ERP44: variants seen among roughly 807,000 people sequenced by gnomAD.
ERP44 encodes endoplasmic reticulum protein 44.
A neutral mutation model predicts 53.4 loss-of-function variants in ERP44; 25 were observed. The ratio of observed to expected loss-of-function variants is 0.47; its 90% CI spans 0.34 to 0.65. ERP44 has a LOEUF of 0.65. Ranked by LOEUF, ERP44 falls within the 30% of genes least tolerant of loss-of-function variation. The pLI is 0.01. For missense variants in ERP44, 338 were observed against 493.2 expected, an observed-to-expected ratio of 0.69 and a Z score of 2.98; for synonymous variants, 145 against 161.2, an observed-to-expected ratio of 0.90 and a Z score of 0.76.
At chr9:100,089,495 C>T (rs568570181) in intron 1 of ERP44, among the ~76,000 whole-genome samples, 2 of 149,958 alleles carry the variant, frequency 1.3e-5, no homozygotes, top group South Asian at 2.1e-4. Context: ...GCAGAAGAAT[C>T]GCTTGAACCC....
rs1830151756 is a variant in ERP44, at chr9:99,981,806, G to T, written c.*806C>A. 6.6e-6 allele frequency: 1 copy of T among 152,168 alleles called. No individual in the cohort carries two copies. Among genetic ancestry groups the T allele is most frequent in the Non-Finnish European group, 1.5e-5 (1 of 68,026 alleles). The allele number at this position is 152,168 out of a possible 1,614,324, so 9.4% of individuals were successfully genotyped here. A position where few individuals can be genotyped will look rare whatever the true frequency, so the allele number is the denominator to read the frequency against. ...ATTTCTCTGCTAGTTCTTCTCTTTG[G>T]AAATTGAAGTCTCATAATAGGAGGA... is the stretch of plus-strand genomic sequence containing the variant. On this transcript the variant is annotated 3_prime_UTR_variant, in exon 12 of 12. Coordinates refer to ENST00000262455, the MANE Select transcript of ERP44 (RefSeq NM_015051.3).
intron 4 of ERP44, among the ~76,000 whole-genome samples, chr9:100,032,293 A>C (rs1220273455): frequency 1.3e-5 from 2 of 152,208 alleles, no homozygotes; most frequent in Admixed American, 6.5e-5. Context: ...GGAAGTAAAA[A>C]ATCTTACAAC....
At chr9:100,043,642 C>T (rs368592767) in intron 4 of ERP44, among the ~76,000 whole-genome samples, 1 of 151,984 alleles carries the variant, frequency 6.6e-6, no homozygotes, top group Non-Finnish European at 1.5e-5. Context: ...GTAATCCCAG[C>T]TACTCAAGTG....
intron 10 of ERP44, among the ~76,000 whole-genome samples, chr9:100,001,423 C>A (rs547226495): frequency 2.0e-5 from 3 of 152,226 alleles, no homozygotes; most frequent in Admixed American, 1.3e-4. Flanking sequence ...GTGGCCCTTG[C>A]TGAAAAAGTA....
chr9:99,999,157 C>T, intron 10 of ERP44: 1 of 553,376 alleles, frequency 1.8e-6, no homozygotes, highest in Non-Finnish European at 3.2e-6. Flanking sequence ...GGCCAGGGCT[C>T]CGCCCCCCGA....
intron 3 of ERP44, among the ~76,000 whole-genome samples, chr9:100,054,324 G>A (rs1246942792): frequency 1.3e-5 from 2 of 152,190 alleles, no homozygotes. Context: ...GGTAGCTGGA[G>A]GGCAAGGGAG....
intron 1 of ERP44, among the ~76,000 whole-genome samples, chr9:100,092,670 G>T (rs182304333): frequency 6.6e-6 from 1 of 152,154 alleles, no homozygotes; most frequent in Non-Finnish European, 1.5e-5. Context: ...AGAAGAGTAA[G>T]CCATTTTTTG....
intron 1 of ERP44, among the ~76,000 whole-genome samples, chr9:100,089,580 CAAAAAAAAAAAA>C (rs71498726): frequency 1.1e-4 from 5 of 43,526 alleles, no homozygotes; most frequent in Admixed American, 7.7e-4. Context: ...GACTCCATCT[CAAAAAAAAAAAA>C]AAAAAAAAAA....
chr9:100,047,640 CAT>C (rs1825988495), intron 4 of ERP44, among the ~76,000 whole-genome samples: 1 of 152,114 alleles, frequency 6.6e-6, no homozygotes, highest in South Asian at 2.1e-4. Context: ...TAGAAGAAAA[CAT>C]AGGAGAGTAA....
intron 4 of ERP44, among the ~76,000 whole-genome samples, chr9:100,029,998 G>A (rs1825764536): frequency 6.6e-6 from 1 of 152,144 alleles, no homozygotes; most frequent in South Asian, 2.1e-4. Flanking sequence ...TGAGGCGGGA[G>A]AATCACTTGA....
intron 1 of ERP44, among the ~76,000 whole-genome samples, chr9:100,097,892 T>C (rs1393382838): frequency 6.6e-6 from 1 of 152,226 alleles, no homozygotes; most frequent in Non-Finnish European, 1.5e-5. Flanking sequence ...TGTTTAAATC[T>C]GAATTTCTAA....
intron 4 of ERP44, among the ~76,000 whole-genome samples, chr9:100,029,540 GAGA>G (rs1825751190): frequency 6.6e-6 from 1 of 152,200 alleles, no homozygotes; most frequent in Non-Finnish European, 1.5e-5. Flanking sequence ...AGAGGATTTG[GAGA>G]AAGGGAAACA....
At chr9:100,038,958 T>C (rs1371164479) in intron 4 of ERP44, among the ~76,000 whole-genome samples, 1 of 152,140 alleles carries the variant, frequency 6.6e-6, no homozygotes, top group Non-Finnish European at 1.5e-5. Context: ...ATAACAAATG[T>C]AAATACAATG....
intron 1 of ERP44, among the ~76,000 whole-genome samples, chr9:100,074,513 G>A (rs533393065): frequency 1.3e-5 from 2 of 152,214 alleles, no homozygotes; most frequent in Admixed American, 6.5e-5. Flanking sequence ...ATTATAAACC[G>A]AGAATCATGG....
chr9:99,992,954 A>C (rs1830271100), intron 10 of ERP44, among the ~76,000 whole-genome samples: 1 of 152,204 alleles, frequency 6.6e-6, no homozygotes, highest in African/African-American at 2.4e-5. Flanking sequence ...TCCAATTTAC[A>C]AGGGATGTGA....
intron 1 of ERP44, among the ~76,000 whole-genome samples, chr9:100,070,985 T>C (rs1161837793): frequency 6.6e-6 from 1 of 152,146 alleles, no homozygotes; most frequent in Non-Finnish European, 1.5e-5. Flanking sequence ...AGGTGAGCTA[T>C]AGTATTGGTA....
At chr9:100,003,854 G>A (rs1425046337) in intron 10 of ERP44, among the ~76,000 whole-genome samples, 1 of 152,114 alleles carries the variant, frequency 6.6e-6, no homozygotes, top group South Asian at 2.1e-4. Context: ...GCCTGGGTCT[G>A]CAGAGATAGT....
intron 1 of ERP44, among the ~76,000 whole-genome samples, chr9:100,079,885 T>C (rs1810465911): frequency 6.6e-6 from 1 of 150,590 alleles, no homozygotes; most frequent in Non-Finnish European, 1.5e-5. Context: ...CATTGTACTA[T>C]GACTGCAGCA....
At chr9:99,995,253 G>A (rs763099033) in intron 10 of ERP44, among the ~76,000 whole-genome samples, 3 of 151,950 alleles carry the variant, frequency 2.0e-5, no homozygotes, top group Non-Finnish European at 4.4e-5. Context: ...ATAATTTGTT[G>A]GTAATTTCTA....
Sources: gnomAD v4.1 joint callset for allele counts (sites outside exome capture counted in the v4.1 genomes callset) on GRCh38, gnomAD v4.1.1 for gene constraint, MANE v1.5 for transcripts, NCBI Gene and HGNC (gene_info 2026-07-23, HGNC 2026-07-21) for gene names.